The following AMPH variants were observed in gnomAD, a reference collection of about 807,000 sequenced individuals.
AMPH encodes amphiphysin.
A neutral mutation model predicts 99.1 loss-of-function variants in AMPH; 49 were observed. The ratio of observed to expected loss-of-function variants is 0.49; its 90% CI spans 0.39 to 0.63. The LOEUF is 0.63. AMPH is among the 20% of genes least tolerant of loss of function. The pLI, the probability that AMPH is intolerant of heterozygous loss-of-function variation, is 0.00. For missense variants in AMPH, 759 were observed against 863.4 expected, an observed-to-expected ratio of 0.88 and a Z score of 1.52; for synonymous variants, 314 against 317.3, an observed-to-expected ratio of 0.99 and a Z score of 0.11.
chr7:38,527,304 T>C (rs1790225145), intron 2 of AMPH, among the ~76,000 whole-genome samples: 1 of 152,220 alleles, frequency 6.6e-6, no homozygotes, highest in Non-Finnish European at 1.5e-5. Context: ...GCTGTAGAAA[T>C]TGCAGGAAAT....
At chr7:38,424,205 A>G (rs1323417528) in intron 15 of AMPH, among the ~76,000 whole-genome samples, 1 of 152,242 alleles carries the variant, frequency 6.6e-6, no homozygotes, top group Non-Finnish European at 1.5e-5. Context: ...CCCACAGTCA[A>G]TGAACTCTAT....
At chr7:38,498,150 T>C (rs1204139952) in intron 3 of AMPH, among the ~76,000 whole-genome samples, 1 of 152,146 alleles carries the variant, frequency 6.6e-6, no homozygotes, top group African/African-American at 2.4e-5. Flanking sequence ...GTTGCCCCAG[T>C]TCAAAAACTA....
chr7:38,512,002 C>A (rs1050571745), intron 2 of AMPH, among the ~76,000 whole-genome samples: 2 of 152,096 alleles, frequency 1.3e-5, no homozygotes, highest in Non-Finnish European at 2.9e-5. Flanking sequence ...TGAAATAGGA[C>A]CCAAGAATCT....
At chr7:38,430,251 G>C (rs1785956907) in intron 13 of AMPH, among the ~76,000 whole-genome samples, 2 of 152,222 alleles carry the variant, frequency 1.3e-5, no homozygotes, top group African/African-American at 4.8e-5. Context: ...CTTTGACACA[G>C]TATCAGAAGA....
intron 1 of AMPH, among the ~76,000 whole-genome samples, chr7:38,540,230 G>A (rs1019020040): frequency 6.6e-6 from 1 of 152,182 alleles, no homozygotes; most frequent in African/African-American, 2.4e-5. Flanking sequence ...CATCTACATT[G>A]ACACGTTAGT....
At chr7:38,566,230 T>A (rs1273514196) in intron 1 of AMPH, among the ~76,000 whole-genome samples, 2 of 152,200 alleles carry the variant, frequency 1.3e-5, no homozygotes, top group African/African-American at 4.8e-5. Context: ...CAAAAGCATC[T>A]CATCCTAATG....
At chr7:38,610,347 A>G (rs1347432087) in intron 1 of AMPH, among the ~76,000 whole-genome samples, 3 of 48,628 alleles carry the variant, frequency 6.2e-5, no homozygotes, top group Non-Finnish European at 1.3e-4. Flanking sequence ...AGAAAAGAAA[A>G]GAAAAGAAAA....
At chr7:38,508,903 C>T (rs760045060) in intron 2 of AMPH, among the ~76,000 whole-genome samples, 9 of 152,108 alleles carry the variant, frequency 5.9e-5, no homozygotes, top group Non-Finnish European at 1.2e-4. Context: ...ATAATCAGCA[C>T]CTTGATTAAC....
intron 4 of AMPH, among the ~76,000 whole-genome samples, chr7:38,491,622 T>C (rs1788721026): frequency 6.6e-6 from 1 of 152,246 alleles, no homozygotes; most frequent in African/African-American, 2.4e-5. Flanking sequence ...GTATCAATTA[T>C]GTTAAACGTA....
At chr7:38,582,405 C>T (rs1328538430) in intron 1 of AMPH, among the ~76,000 whole-genome samples, 1 of 152,136 alleles carries the variant, frequency 6.6e-6, no homozygotes, top group Non-Finnish European at 1.5e-5. Context: ...GCATATAGAT[C>T]AGGAATTATT....
At chr7:38,580,710 G>A (rs73126110) in intron 1 of AMPH, among the ~76,000 whole-genome samples, 12,756 of 151,844 alleles carry the variant, frequency 0.084, 704 homozygotes, top group East Asian at 0.24. Flanking sequence ...TGACGATGAC[G>A]ATAAGGGTCT....
chr7:38,451,232 GA>G (rs1358412990), intron 11 of AMPH, among the ~76,000 whole-genome samples: 5 of 149,852 alleles, frequency 3.3e-5, no homozygotes, highest in Admixed American at 2.7e-4. Context: ...AAAAGAGAGA[GA>G]AATAACCTTG....
At chr7:38,446,316 G>C (rs187298344) in intron 11 of AMPH, among the ~76,000 whole-genome samples, 2 of 152,032 alleles carry the variant, frequency 1.3e-5, no homozygotes, top group Non-Finnish European at 2.9e-5. Flanking sequence ...CTAGGTATTC[G>C]CCCAAGAGAA....
At chr7:38,399,617 T>C (rs991193828) in intron 17 of AMPH, among the ~76,000 whole-genome samples, 2 of 152,200 alleles carry the variant, frequency 1.3e-5, no homozygotes, top group African/African-American at 4.8e-5. Flanking sequence ...AGAAAAAACA[T>C]TTTCTATGCT....
Position 38,566,418 on chromosome 7 carries a change from T to C in AMPH, c.70-31407A>G, listed in dbSNP as rs540895800. Among the ~76,000 whole-genome samples the C allele has an allele frequency of 2.6e-5, 4 of 152,106 alleles. 1 individual carries two copies. The highest frequency in any genetic ancestry group is 2.0e-4 in the Admixed American group (3 of 15,272). On this transcript the variant is annotated intron_variant, in intron 1 of 20. Transcript: ENST00000356264. ...TCCCAAGTCATTAGTTATTAAAATA[T>C]GCAAGGACCTAACACCATAAAAACC... is the stretch of plus-strand genomic sequence containing the variant.
chr7:38,454,478 T>C (rs1288916998), intron 11 of AMPH, among the ~76,000 whole-genome samples: 1 of 151,710 alleles, frequency 6.6e-6, no homozygotes, highest in Non-Finnish European at 1.5e-5. Context: ...AAAAAAGAGA[T>C]AGTTTCAGTG....
chr7:38,598,762 T>A (rs996407846), intron 1 of AMPH, among the ~76,000 whole-genome samples: 1 of 152,198 alleles, frequency 6.6e-6, no homozygotes, highest in Non-Finnish European at 1.5e-5. Flanking sequence ...ATTAGCCTTT[T>A]CAAAGAATTA....
intron 1 of AMPH, among the ~76,000 whole-genome samples, chr7:38,586,774 G>A (rs1792665580): frequency 6.6e-6 from 1 of 152,140 alleles, no homozygotes; most frequent in Non-Finnish European, 1.5e-5. Flanking sequence ...GATGATCTGT[G>A]CTATCCTGCA....
intron 1 of AMPH, among the ~76,000 whole-genome samples, chr7:38,554,896 C>CCTTA (rs1413898674): frequency 2.0e-5 from 3 of 152,194 alleles, no homozygotes; most frequent in Non-Finnish European, 1.5e-5. Context: ...TTCTCCCCAA[C>CCTTA]CTTAACCTGC....
Sources: allele counts gnomAD v4.1 joint callset (sites outside exome capture counted in the v4.1 genomes callset), GRCh38; gene constraint gnomAD v4.1.1; transcripts MANE v1.5; gene names NCBI Gene and HGNC (gene_info 2026-07-23, HGNC 2026-07-21).